UNC13B: variants seen among roughly 807,000 people sequenced by gnomAD.
UNC13B encodes the protein protein unc-13 homolog B.
Under a neutral mutation model 211.0 loss-of-function variants are expected in UNC13B, and 144 were observed. The observed-to-expected ratio is 0.68, with a 90% CI of 0.60 to 0.78. The LOEUF is 0.78. Ranked by LOEUF, UNC13B falls within the 30% of genes least tolerant of loss-of-function variation. The probability of loss-of-function intolerance (pLI) is 0.00; values close to 1 mark genes in which losing one functional copy is unlikely to be tolerated. For missense variants in UNC13B, 1,777 were observed against 2,002.0 expected, an observed-to-expected ratio of 0.89 and a Z score of 2.14; for synonymous variants, 709 against 725.8, an observed-to-expected ratio of 0.98 and a Z score of 0.37.
At chr9:35,186,858 C>T (rs1440811651) in intron 1 of UNC13B, among the ~76,000 whole-genome samples, 1 of 151,846 alleles carries the variant, frequency 6.6e-6, no homozygotes, top group African/African-American at 2.4e-5. Context: ...GAACACCGCG[C>T]CCGGCCACGA....
intron 1 of UNC13B, 57 bp downstream of exon 1, chr9:35,162,362 C>A: frequency 6.7e-7 from 1 of 1,484,566 alleles, no homozygotes; most frequent in Non-Finnish European, 8.9e-7. Context: ...TCCCCGCACC[C>A]TTCCAGTGGA....
intron 12 of UNC13B, 63 bp from the exon 13 acceptor site, chr9:35,370,255 C>A: frequency 6.8e-7 from 1 of 1,469,878 alleles, no homozygotes; most frequent in Non-Finnish European, 9.5e-7. Context: ...GAATGGAACA[C>A]TGAACCCACC....
intron 6 of UNC13B, among the ~76,000 whole-genome samples, chr9:35,246,104 A>G (rs1826082796): frequency 6.6e-6 from 1 of 152,082 alleles, no homozygotes; most frequent in Non-Finnish European, 1.5e-5. Flanking sequence ...ATGGCCAGTG[A>G]TGATGAGCAT....
At position 35,377,527 on chromosome 9, in the gene UNC13B, G is replaced by A. The variant is rs1834505404; in HGVS notation, c.9895G>A (p.Ala3299Thr). 6.2e-7 allele frequency: 1 copy of A among 1,614,248 alleles called. No homozygotes were observed. Residue 3299 changes from alanine to threonine, a missense_variant, in exon 16 of 40, where the codon GCC (alanine) becomes ACC (threonine). By Grantham distance (58) the Ala-to-Thr change is moderately conservative. Transcript: ENST00000635942. ...GGACCGGACCCAGAACATTATCATG[G>A]CCATGAAGGACCGCATGAAGATCCG... ...AEDRTQNIIM[A>T]MKDRMKIRER...
At chr9:35,395,812 T>G (rs1564195436) in intron 26 of UNC13B, among the ~76,000 whole-genome samples, 1 of 152,198 alleles carries the variant, frequency 6.6e-6, no homozygotes, top group South Asian at 2.1e-4. Context: ...CAGCATGATA[T>G]GTCCTTTCAT....
intron 11 of UNC13B, among the ~76,000 whole-genome samples, chr9:35,348,565 G>A (rs1039323235): frequency 4.6e-5 from 7 of 152,180 alleles, no homozygotes; most frequent in African/African-American, 1.7e-4. Flanking sequence ...TAGAAGTCAT[G>A]GCTCACTCAA....
chr9:35,321,695 C>G (rs979551868), intron 11 of UNC13B, among the ~76,000 whole-genome samples: 1 of 151,896 alleles, frequency 6.6e-6, no homozygotes, highest in African/African-American at 2.4e-5. Context: ...GAGACCAGGT[C>G]TCACTACATT....
At chr9:35,330,635 T>C (rs1219147828) in intron 11 of UNC13B, among the ~76,000 whole-genome samples, 2 of 152,244 alleles carry the variant, frequency 1.3e-5, no homozygotes, top group Admixed American at 6.5e-5. Flanking sequence ...AGAGCAGCTT[T>C]CATGCACTTG....
chr9:35,350,060 C>A (rs1832615587), intron 11 of UNC13B, among the ~76,000 whole-genome samples: 1 of 152,286 alleles, frequency 6.6e-6, no homozygotes, highest in South Asian at 2.1e-4. Flanking sequence ...TCCATCTTAC[C>A]CCTCCCAGGA....
intron 11 of UNC13B, among the ~76,000 whole-genome samples, chr9:35,329,395 A>G (rs1353606170): frequency 6.6e-6 from 1 of 152,212 alleles, no homozygotes; most frequent in East Asian, 1.9e-4. Context: ...TTGAAGGCAG[A>G]GAAGATGGCC....
At chr9:35,286,113 C>A (rs1016818727) in intron 7 of UNC13B, among the ~76,000 whole-genome samples, 1 of 151,634 alleles carries the variant, frequency 6.6e-6, no homozygotes, top group African/African-American at 2.4e-5. Flanking sequence ...CTCCTAATCT[C>A]TTAGAATTTT....
intron 4 of UNC13B, 124 bp downstream of exon 4, chr9:35,236,710 G>A (rs1178920466): frequency 1.1e-6 from 1 of 886,212 alleles, no homozygotes; most frequent in Non-Finnish European, 1.8e-6. Context: ...TCTAATTAGA[G>A]GGCATGCAAC....
In UNC13B at chr9:35,381,123, G is replaced by A. The variant is rs549328472; in HGVS notation, c.10399G>A (p.Val3467Ile). 7.7e-5 allele frequency: 124 copies of A among 1,614,104 alleles called. No individual in the cohort carries two copies. The highest frequency in any genetic ancestry group is 1.3e-4 in the Admixed American group (8 of 60,010). ...AGAGAAGAGGACAGACAAATCAGCC[G>A]TCTCAGGGGCTATCCGACTACAAAT... ...NLEKRTDKSA[V>I]SGAIRLQISV... Residue 3467 changes from valine (V) to isoleucine (I), a missense_variant, in exon 19 of 40, where the codon GTC (valine) becomes ATC (isoleucine). Transcript: ENST00000635942.
At chr9:35,248,823 G>A (rs1014569566) in intron 6 of UNC13B, among the ~76,000 whole-genome samples, 4 of 152,314 alleles carry the variant, frequency 2.6e-5, no homozygotes, top group South Asian at 2.1e-4. Context: ...TGAGGAGAAT[G>A]TATATTCTGT....
rs970958053 is a variant in UNC13B at position 35,303,944 on chromosome 9, T to C, written c.4540T>C (p.Ser1514Pro). 4 of 398,726 alleles carry C rather than the reference T, an allele frequency of 1.0e-5. No individual in the cohort carries two copies. Among genetic ancestry groups the C allele is most frequent in the African/African-American group, 4.1e-5 (2 of 48,642 alleles). 24.7% of individuals were successfully genotyped at this position (398,726 alleles called of 1,614,324 possible). A position where few individuals can be genotyped will look rare whatever the true frequency, so the allele number is the denominator to read the frequency against. ...TGGTTATGAGTACCAGGAATGGTTG[T>C]CATGTCTTGAACATGGAGTGTGGTG... ...SFGYEYQEWL[S>P]CLEHGVWWPS... The change falls in exon 9 of 40, where the codon TCA becomes CCA. Residue 1514 changes from serine (S) to proline (P), a missense_variant. Coordinates refer to ENST00000635942, the MANE Select transcript of UNC13B (RefSeq NM_001371189.2).
At chr9:35,203,119 G>A (rs1020467467) in intron 1 of UNC13B, among the ~76,000 whole-genome samples, 1 of 152,128 alleles carries the variant, frequency 6.6e-6, no homozygotes, top group African/African-American at 2.4e-5. Context: ...CAATTTGCCA[G>A]TCTGTGTCTT....
intron 11 of UNC13B, among the ~76,000 whole-genome samples, chr9:35,328,651 CCTTCCTTCCTT>C (rs1564139494): frequency 3.5e-5 from 4 of 113,638 alleles, no homozygotes; most frequent in East Asian, 3.6e-4. Context: ...TTCCTTCCTT[CCTTCCTTCCTT>C]CCTCCCTCCC....
chr9:35,236,650 T>G, intron 4 of UNC13B, 64 bp downstream of exon 4: 35 of 1,377,442 alleles, frequency 2.5e-5, no homozygotes, highest in Middle Eastern at 1.8e-4. Context: ...CCATGCTAGC[T>G]CCACTTTAGC....
rs779579541 is a variant in UNC13B, at chr9:35,377,619, T to C, written c.9987T>C (p.His3329=). The C allele has an allele frequency of 1.9e-6, 3 of 1,614,168 alleles. No homozygotes were observed. Among genetic ancestry groups the C allele is most frequent in the South Asian group, 2.2e-5 (2 of 91,074 alleles). ...TCTTCACAGTGAACAAAGCTGCCCA[T>C]GTGCAGCAGATGAAAACAGTGAAGC... ...RDVFTVNKAA[H]VQQMKTVKQS... is the part of the protein sequence containing the mutation. The change falls in exon 16 of 40, where the codon CAT becomes CAC. Residue 3329 remains histidine (H), a synonymous_variant. Coordinates refer to ENST00000635942, the MANE Select transcript of UNC13B (RefSeq NM_001371189.2).
Sources: allele counts gnomAD v4.1 joint callset (sites outside exome capture counted in the v4.1 genomes callset), GRCh38; gene constraint gnomAD v4.1.1; transcripts MANE v1.5; gene names NCBI Gene and HGNC (gene_info 2026-07-23, HGNC 2026-07-21).